NKAIN3: variants seen among roughly 807,000 people sequenced by gnomAD.
The protein encoded by NKAIN3 is sodium/potassium-transporting ATPase subunit beta-1-interacting protein 3.
In NKAIN3, 25 loss-of-function variants were observed where a neutral mutation model predicts 30.2. The observed-to-expected ratio is 0.83, with a 90% CI of 0.60 to 1.16. The LOEUF is 1.16. Among genes scored for constraint, NKAIN3 ranks in the 50% most tolerant of loss-of-function variants. The pLI is 0.00. For synonymous variants in NKAIN3, 91 were observed against 89.6 expected (o/e 1.02, Z -0.09); for missense variants, 225 against 254.1 (o/e 0.89, Z 0.78).
intron 1 of NKAIN3, among the ~76,000 whole-genome samples, chr8:62,454,335 CATA>C (rs1165265397): frequency 1.6e-5 from 1 of 63,488 alleles, no homozygotes; most frequent in East Asian, 3.6e-4. Context: ...CTGAAAATCT[CATA>C]ATGTTTTAAG....
chr8:62,356,579 C>T (rs140690296), intron 1 of NKAIN3, among the ~76,000 whole-genome samples: 2 of 152,264 alleles, frequency 1.3e-5, no homozygotes, highest in African/African-American at 2.4e-5. Flanking sequence ...AGTATATCCT[C>T]GTCTTTATGG....
At chr8:62,446,539 G>T (rs1011430002) in intron 1 of NKAIN3, among the ~76,000 whole-genome samples, 2 of 151,876 alleles carry the variant, frequency 1.3e-5, no homozygotes, top group Admixed American at 1.3e-4. Context: ...TCACATTATT[G>T]TTCCATCATT....
intron 1 of NKAIN3, among the ~76,000 whole-genome samples, chr8:62,555,496 G>A (rs1809359690): frequency 6.6e-6 from 1 of 151,944 alleles, no homozygotes; most frequent in Non-Finnish European, 1.5e-5. Flanking sequence ...AAAAAAGAGT[G>A]TGAAAATATT....
rs1047690263 is a variant in NKAIN3, at chr8:62,346,810, A to G, written c.54+97683A>G. Among the ~76,000 whole-genome samples the G allele has an allele frequency of 3.9e-5, 6 of 152,270 alleles. 1 individual carries two copies. The East Asian group carries it at 1.2e-3, about 29-fold the overall frequency. On this transcript the variant is annotated intron_variant, in intron 1 of 6. Coordinates refer to ENST00000623646, the MANE Select transcript of NKAIN3 (RefSeq NM_001304533.3). ...TTGAATTTTCTGAGATTTATGGAAA[A>G]GACAGGGTACAATAATTTAGTGACT... is the stretch of plus-strand genomic sequence containing the variant.
downstream of NKAIN3, among the ~76,000 whole-genome samples, chr8:62,987,262 T>G (rs1276244459): frequency 1.3e-5 from 2 of 152,032 alleles, no homozygotes; most frequent in Admixed American, 1.3e-4. Flanking sequence ...GTGTGGTGGC[T>G]GGCGTGTGCC....
intron 4 of NKAIN3, among the ~76,000 whole-genome samples, chr8:62,781,226 G>A (rs907547664): frequency 1.1e-4 from 16 of 151,642 alleles, no homozygotes; most frequent in Non-Finnish European, 4.4e-5. Context: ...TTTAATCAAG[G>A]ATGTGAAATA....
chr8:62,809,001 A>T (rs1011334490), intron 4 of NKAIN3, among the ~76,000 whole-genome samples: 1 of 152,042 alleles, frequency 6.6e-6, no homozygotes. Context: ...CATTTTAGAG[A>T]CCTACCCCTG....
At chr8:62,464,914 G>A (rs939840311) in intron 1 of NKAIN3, among the ~76,000 whole-genome samples, 1 of 152,148 alleles carries the variant, frequency 6.6e-6, no homozygotes, top group Non-Finnish European at 1.5e-5. Flanking sequence ...ATAACTGGGA[G>A]TATTATTTAT....
intron 1 of NKAIN3, among the ~76,000 whole-genome samples, chr8:62,404,426 T>C (rs1353007169): frequency 2.0e-5 from 3 of 152,136 alleles, no homozygotes; most frequent in Non-Finnish European, 4.4e-5. Flanking sequence ...AACATGTCCT[T>C]GGATGGAGCC....
intron 1 of NKAIN3, among the ~76,000 whole-genome samples, chr8:62,331,433 C>T (rs949704388): frequency 8.5e-5 from 13 of 152,096 alleles, no homozygotes; most frequent in Admixed American, 8.5e-4. Context: ...TTCCAAACTC[C>T]TTGAAGGCAG....
intron 1 of NKAIN3, among the ~76,000 whole-genome samples, chr8:62,407,059 T>C (rs1483482543): frequency 1.3e-5 from 2 of 152,154 alleles, no homozygotes; most frequent in Non-Finnish European, 2.9e-5. Flanking sequence ...CAATAATTTT[T>C]CTATTTAGGA....
At chr8:62,692,433 A>C (rs1563518705) in intron 3 of NKAIN3, among the ~76,000 whole-genome samples, 1 of 152,210 alleles carries the variant, frequency 6.6e-6, no homozygotes, top group African/African-American at 2.4e-5. Context: ...TGCCAGAACA[A>C]AGATTTTGTG....
intron 4 of NKAIN3, among the ~76,000 whole-genome samples, chr8:62,867,947 A>G (rs1232416158): frequency 6.6e-6 from 1 of 152,222 alleles, no homozygotes; most frequent in Non-Finnish European, 1.5e-5. Flanking sequence ...AATGTAGTAC[A>G]TGCAGCTGTG....
intron 4 of NKAIN3, among the ~76,000 whole-genome samples, chr8:62,848,598 G>T (rs1007863325): frequency 2.6e-5 from 4 of 152,058 alleles, no homozygotes; most frequent in African/African-American, 9.7e-5. Flanking sequence ...CTAGACATAG[G>T]ATCATGTCAT....
intron 3 of NKAIN3, among the ~76,000 whole-genome samples, chr8:62,654,232 A>G (rs900020344): frequency 3.9e-5 from 6 of 152,140 alleles, no homozygotes; most frequent in Non-Finnish European, 7.4e-5. Flanking sequence ...AAAGAATTCA[A>G]TAAATGAGTC....
intron 1 of NKAIN3, among the ~76,000 whole-genome samples, chr8:62,509,790 C>A (rs928790856): frequency 6.6e-6 from 1 of 152,044 alleles, no homozygotes; most frequent in African/African-American, 2.4e-5. Flanking sequence ...TATATTGAGA[C>A]TTTTTAGACA....
At chr8:62,278,221 G>A (rs1296425646) in intron 1 of NKAIN3, among the ~76,000 whole-genome samples, 1 of 152,080 alleles carries the variant, frequency 6.6e-6, no homozygotes, top group East Asian at 1.9e-4. Context: ...AGGCCTCCCT[G>A]AGAAGTCCTA....
chr8:62,974,630 C>T lies in NKAIN3; in HGVS notation c.*9223C>T, dbSNP rs1823905434. Among the ~76,000 whole-genome samples the T allele has an allele frequency of 6.6e-6, 1 of 152,124 alleles. No homozygotes were observed. The highest frequency in any genetic ancestry group is 2.1e-4 in the South Asian group (1 of 4,824). On this transcript the variant is annotated 3_prime_UTR_variant, in exon 7 of 7. Coordinates refer to ENST00000623646, the MANE Select transcript of NKAIN3 (RefSeq NM_001304533.3). ...AAACAGAGATAATTTGACTTTCTCTCTTCCTATTCGAATACGCTTTATTTC... is the reference window on the plus strand; with the variant it reads ...AAACAGAGATAATTTGACTTTCTCTTTTCCTATTCGAATACGCTTTATTTC...
intron 1 of NKAIN3, among the ~76,000 whole-genome samples, chr8:62,559,194 T>C (rs1455731418): frequency 6.6e-6 from 1 of 151,998 alleles, no homozygotes; most frequent in Non-Finnish European, 1.5e-5. Context: ...ATATTGGTAA[T>C]TTTCTTTGTG....
Sources: allele counts gnomAD v4.1 joint callset (sites outside exome capture counted in the v4.1 genomes callset), GRCh38; gene constraint gnomAD v4.1.1; transcripts MANE v1.5; gene names NCBI Gene and HGNC (gene_info 2026-07-23, HGNC 2026-07-21).